NCOA5: variants seen among roughly 807,000 people sequenced by gnomAD.
NCOA5 encodes the protein NCoA-5.
NCOA5 carries 12 observed loss-of-function variants against 59.0 expected under a neutral mutation model. The observed-to-expected ratio is 0.20, with a 90% CI of 0.13 to 0.33. NCOA5 has a LOEUF of 0.33. NCOA5 is among the 10% of genes least tolerant of loss of function. NCOA5 has a pLI of 1.00. For missense variants in NCOA5, 655 were observed against 766.6 expected, an observed-to-expected ratio of 0.85 and a Z score of 1.72; for synonymous variants, 270 against 275.5, an observed-to-expected ratio of 0.98 and a Z score of 0.20.
At chr20:46,065,964 T>C (rs1190685463) in intron 5 of NCOA5, among the ~76,000 whole-genome samples, 1 of 152,216 alleles carries the variant, frequency 6.6e-6, no homozygotes, top group African/African-American at 2.4e-5. Context: ...GTACATAAAG[T>C]AGGTGCTCAG....
chr20:46,082,468 T>C (rs8184496), intron 1 of NCOA5, among the ~76,000 whole-genome samples: 1 of 152,138 alleles, frequency 6.6e-6, no homozygotes, highest in East Asian at 1.9e-4. Context: ...GGGAATCTCT[T>C]CCAAGGAGAG....
Position 46,065,212 on chromosome 20 carries a change from C to T in NCOA5, c.646G>A (p.Val216Met). 6.2e-7 allele frequency: 1 copy of T among 1,614,202 alleles called. No homozygotes were observed. The highest frequency in any genetic ancestry group is 8.5e-7 in the Non-Finnish European group (1 of 1,180,032). ...NKQTKDYAES[V>M]GRKVRDLGMV... ...CCCAGGTCTCGCACCTTCCGCCCCA[C>T]AGACTCAGCATAGTCTCTGTAAAAA... The change falls in exon 6 of 8, where the codon GTG (valine) becomes ATG (methionine). Residue 216 changes from valine to methionine, a missense_variant. Val to Met is a conservative substitution (Grantham distance 21, BLOSUM62 1). Coordinates refer to ENST00000290231, the MANE Select transcript of NCOA5 (RefSeq NM_020967.3).
At chr20:46,081,104 T>C (rs1485415222) in intron 1 of NCOA5, among the ~76,000 whole-genome samples, 2 of 152,120 alleles carry the variant, frequency 1.3e-5, no homozygotes, top group African/African-American at 4.8e-5. Context: ...GTATTTTAAG[T>C]AGTTTTCAAG....
chr20:46,076,617 A>G (rs1230912108), intron 2 of NCOA5, among the ~76,000 whole-genome samples: 2 of 149,212 alleles, frequency 1.3e-5, no homozygotes, highest in Admixed American at 6.7e-5. Context: ...CGGTTTTTAG[A>G]TGGGGTTACT....
rs908296954 is a variant in NCOA5 at position 46,068,484 on chromosome 20, C to T, written c.502+18G>A. 3 of 1,603,886 alleles carry T rather than the reference C, an allele frequency of 1.9e-6. No homozygotes were observed. The highest frequency in any genetic ancestry group is 2.7e-5 in the African/African-American group (2 of 74,210). On this transcript the variant is annotated intron_variant, in intron 4 of 7. Coordinates refer to ENST00000290231, the MANE Select transcript of NCOA5 (RefSeq NM_020967.3). ...GTGTTCTATCAATAATAGGAATAGA[C>T]TGTTTCAGCTACTTTACCTTTTGCA...
intron 2 of NCOA5, among the ~76,000 whole-genome samples, chr20:46,075,777 G>A (rs1237411262): frequency 1.3e-5 from 2 of 152,154 alleles, no homozygotes; most frequent in Non-Finnish European, 2.9e-5. Context: ...GCTTAGTATC[G>A]ATGCTTGACA....
chr20:46,088,958 G>T (rs1457141815), intron 1 of NCOA5, among the ~76,000 whole-genome samples: 2 of 152,184 alleles, frequency 1.3e-5, no homozygotes, highest in Non-Finnish European at 2.9e-5. Flanking sequence ...TACCCGGTTT[G>T]TGATTGAAGT....
chr20:46,079,376 G>C lies in NCOA5; in HGVS notation c.38+11C>G, dbSNP rs750494484. Reference sequence around the variant, plus strand: ...TCTCCCAAGGTAACTCACGGCTTCAGGGTACTTTACCTTCGTGTGGGGCTG... The same window carrying C: ...TCTCCCAAGGTAACTCACGGCTTCACGGTACTTTACCTTCGTGTGGGGCTG... On this transcript the variant is annotated intron_variant, in intron 2 of 7. Transcript: ENST00000290231. 1.2e-6 allele frequency: 2 copies of C among 1,613,972 alleles called. No homozygotes were observed. Among genetic ancestry groups the C allele is most frequent in the African/African-American group, 1.3e-5 (1 of 75,012 alleles).
chr20:46,073,727 T>C (rs1398012848), intron 2 of NCOA5, among the ~76,000 whole-genome samples: 2 of 152,146 alleles, frequency 1.3e-5, no homozygotes, highest in African/African-American at 2.4e-5. Context: ...GGGCATGTCA[T>C]AGCATGTTAT....
chr20:46,089,557 G>A (rs1390158932), intron 1 of NCOA5, among the ~76,000 whole-genome samples: 5 of 152,190 alleles, frequency 3.3e-5, no homozygotes, highest in African/African-American at 1.2e-4. Context: ...CGGCTGCGAT[G>A]CGACGCCGCC....
At chr20:46,062,998 C>T (rs763426673) in intron 7 of NCOA5, 109 bp from the exon 8 acceptor site, 14 of 918,874 alleles carry the variant, frequency 1.5e-5, no homozygotes, top group Non-Finnish European at 2.2e-5. Flanking sequence ...TCATACAGTA[C>T]ACAGACGATA....
chr20:46,068,690 A>G, intron 3 of NCOA5, 52 bp from the exon 4 acceptor site: 1 of 1,562,076 alleles, frequency 6.4e-7, no homozygotes, highest in Non-Finnish European at 8.7e-7. Context: ...TTATCCTGAA[A>G]AAGTCACCTA....
chr20:46,072,479 T>A (rs1421403260), intron 2 of NCOA5, among the ~76,000 whole-genome samples: 2 of 152,212 alleles, frequency 1.3e-5, no homozygotes, highest in Non-Finnish European at 2.9e-5. Flanking sequence ...GAACTACAGA[T>A]GTGTGCCACT....
intron 7 of NCOA5, 48 bp downstream of exon 7, chr20:46,063,312 G>A: frequency 1.3e-6 from 2 of 1,578,202 alleles, no homozygotes; most frequent in Non-Finnish European, 1.7e-6. Flanking sequence ...CTGGGGATTA[G>A]AGAAATGCAG....
intron 2 of NCOA5, among the ~76,000 whole-genome samples, chr20:46,074,777 T>C (rs374811067): frequency 1.3e-5 from 2 of 152,358 alleles, no homozygotes; most frequent in African/African-American, 4.8e-5. Flanking sequence ...ATGATCATCT[T>C]GGAAAACTGT....
intron 1 of NCOA5, 78 bp from the exon 2 acceptor site, chr20:46,079,531 A>G: frequency 8.2e-7 from 1 of 1,220,402 alleles, no homozygotes; most frequent in South Asian, 1.3e-5. Context: ...AATGAAAGCA[A>G]CAACAACAAA....
chr20:46,063,810 T>C (rs1362345498), intron 6 of NCOA5, 130 bp from the exon 7 acceptor site: 13 of 962,936 alleles, frequency 1.4e-5, no homozygotes, highest in Admixed American at 2.6e-5. Context: ...AGCCTTGAGA[T>C]TGAGAGTGGG....
chr20:46,073,447 C>T (rs3092169), intron 2 of NCOA5, among the ~76,000 whole-genome samples: 98,876 of 152,150 alleles, frequency 0.65, 34,048 homozygotes, highest in African/African-American at 0.89. Context: ...TTACTTCAAC[C>T]TTCCTTATTA....
intron 1 of NCOA5, among the ~76,000 whole-genome samples, chr20:46,083,890 T>A (rs2085018904): frequency 6.6e-6 from 1 of 152,230 alleles, no homozygotes; most frequent in East Asian, 1.9e-4. Context: ...AGTTATATTG[T>A]AACAAGTCAG....
Sources: gnomAD v4.1 joint callset for allele counts (sites outside exome capture counted in the v4.1 genomes callset) on GRCh38, gnomAD v4.1.1 for gene constraint, MANE v1.5 for transcripts, NCBI Gene and HGNC (gene_info 2026-07-23, HGNC 2026-07-21) for gene names.